Variants in RORB observed in about 807,000 individuals in gnomAD.
The protein encoded by RORB is RAR related orphan receptor B.
RORB carries 6 observed loss-of-function variants against 59.1 expected under a neutral mutation model. That is an observed-to-expected ratio of 0.10 (90% CI 0.06 to 0.20). The LOEUF is 0.20. Among genes scored for constraint, RORB ranks in the 10% least tolerant of loss-of-function variants. The pLI is 1.00. For missense variants in RORB, 320 were observed against 560.5 expected (o/e 0.57, Z 4.33); for synonymous variants, 215 against 204.5 (o/e 1.05, Z -0.44).
In RORB at chr9:74,691,582, C is replaced by T. The variant is rs139691071; in HGVS notation, c.*5964C>T. ...CTTTTAATATATGCTTGTGGAAGGTCTAATACAATGTATGCTGTCTCTGTA... is the reference window on the plus strand; with the variant it reads ...CTTTTAATATATGCTTGTGGAAGGTTTAATACAATGTATGCTGTCTCTGTA... On this transcript the variant is annotated 3_prime_UTR_variant, in exon 10 of 10. Coordinates refer to ENST00000376896, the MANE Select transcript of RORB (RefSeq NM_006914.4). 173 of 152,250 alleles carry T rather than the reference C, an allele frequency of 1.1e-3. 1 individual carries two copies. Among genetic ancestry groups the T allele is most frequent in the African/African-American group, 3.9e-3 (164 of 41,538 alleles). 9.4% of individuals were successfully genotyped at this position (152,250 alleles called of 1,614,324 possible).
chr9:74,561,199 C>G (rs925038875), intron 1 of RORB, among the ~76,000 whole-genome samples: 1 of 152,100 alleles, frequency 6.6e-6, no homozygotes, highest in Non-Finnish European at 1.5e-5. Flanking sequence ...AGTCTCTCCC[C>G]GAGATGTGAG....
Position 74,585,801 on chromosome 9 carries a change from T to TATTTATTTATTTATTTA in RORB, c.8-44470_8-44469insTATTTAATTTATTTATT, listed in dbSNP as rs1822789541. 1.3e-4 allele frequency among the ~76,000 whole-genome samples: 19 copies of TATTTATTTATTTATTTA among 151,478 alleles called. No homozygotes were observed. The South Asian group carries it at 4.0e-3, about 32-fold the overall frequency. ...CACAGGGGATATTTATTTATTTATT[T>TATTTATTTATTTATTTA]ATTTATTTATTGAGACGGATTCTCG... On this transcript the variant is annotated intron_variant, in intron 1 of 9. Transcript: ENST00000376896.
chr9:74,583,009 A>G (rs933992901), intron 1 of RORB, among the ~76,000 whole-genome samples: 1 of 152,142 alleles, frequency 6.6e-6, no homozygotes, highest in African/African-American at 2.4e-5. Context: ...CATATGTCCT[A>G]CAGGCCCTAC....
chr9:74,582,642 C>T (rs1822740782), intron 1 of RORB, among the ~76,000 whole-genome samples: 1 of 152,112 alleles, frequency 6.6e-6, no homozygotes, highest in Admixed American at 6.5e-5. Context: ...TCTGAGTCTG[C>T]ATTCTTGCTT....
intron 9 of RORB, among the ~76,000 whole-genome samples, chr9:74,674,329 A>G (rs1158336998): frequency 6.6e-6 from 1 of 152,208 alleles, no homozygotes; most frequent in Non-Finnish European, 1.5e-5. Flanking sequence ...TGGGGACTCC[A>G]GTGAATGTTG....
intron 4 of RORB, among the ~76,000 whole-genome samples, chr9:74,653,158 C>G (rs1802970130): frequency 6.6e-6 from 1 of 152,110 alleles, no homozygotes; most frequent in Non-Finnish European, 1.5e-5. Flanking sequence ...TTAAATGTTT[C>G]ACCTTTCAAC....
chr9:74,604,366 C>T (rs909281801), intron 1 of RORB, among the ~76,000 whole-genome samples: 1 of 152,204 alleles, frequency 6.6e-6, no homozygotes, highest in African/African-American at 2.4e-5. Context: ...GCATTCAACA[C>T]ATCACCCATC....
chr9:74,517,044 A>G (rs1378582981), intron 1 of RORB, among the ~76,000 whole-genome samples: 1 of 151,886 alleles, frequency 6.6e-6, no homozygotes, highest in Non-Finnish European at 1.5e-5. Flanking sequence ...CATACTTTAC[A>G]CATAACTTTT....
intron 1 of RORB, among the ~76,000 whole-genome samples, chr9:74,542,196 C>CA (rs970921511): frequency 1.3e-5 from 2 of 152,062 alleles, no homozygotes; most frequent in African/African-American, 4.8e-5. Context: ...AACTGAAACA[C>CA]AGACAGAAAA....
At chr9:74,597,564 A>G (rs946303546) in intron 1 of RORB, among the ~76,000 whole-genome samples, 7 of 152,276 alleles carry the variant, frequency 4.6e-5, no homozygotes, top group Admixed American at 1.3e-4. Context: ...TGTTAAAAGA[A>G]ATTGAGAAAA....
chr9:74,566,624 C>A (rs1229691508), intron 1 of RORB, among the ~76,000 whole-genome samples: 1 of 152,030 alleles, frequency 6.6e-6, no homozygotes, highest in Non-Finnish European at 1.5e-5. Flanking sequence ...TGGTGAAACC[C>A]CGTCTCTACT....
chr9:74,620,210 C>G (rs1345893866), intron 1 of RORB, among the ~76,000 whole-genome samples: 1 of 152,172 alleles, frequency 6.6e-6, no homozygotes, highest in Non-Finnish European at 1.5e-5. Flanking sequence ...ATTACGGCCT[C>G]AATTTCAGAG....
Position 74,649,170 on chromosome 9 carries a change from G to C in RORB, c.637+6355G>C, listed in dbSNP as rs188137327. 9.8e-4 allele frequency among the ~76,000 whole-genome samples: 149 copies of C among 151,994 alleles called. 1 individual carries two copies. The highest frequency in any genetic ancestry group is 3.2e-3 in the African/African-American group (134 of 41,460). On this transcript the variant is annotated intron_variant, in intron 4 of 9. Coordinates refer to ENST00000376896, the MANE Select transcript of RORB (RefSeq NM_006914.4). ...TCACCATGTTGACTAGGCTGGTCTT[G>C]AACTCCTGACCTCAGGTAACACACC...
intron 1 of RORB, among the ~76,000 whole-genome samples, chr9:74,502,393 A>G (rs1825814766): frequency 1.3e-5 from 2 of 152,138 alleles, no homozygotes; most frequent in Admixed American, 6.5e-5. Context: ...CTACATAAAA[A>G]GATAAGTAAA....
rs1308123821 is a variant in RORB, at chr9:74,497,343, CCT to C, written c.-629_-628del. 6.5e-6 allele frequency: 1 copy of C among 152,690 alleles called. No homozygotes were observed. The highest frequency in any genetic ancestry group is 1.5e-5 in the Non-Finnish European group (1 of 68,388). 9.5% of individuals were successfully genotyped at this position (152,690 alleles called of 1,614,324 possible). A position where few individuals can be genotyped will look rare whatever the true frequency, so the allele number is the denominator to read the frequency against. On this transcript the variant is annotated 5_prime_UTR_variant, in exon 1 of 10. Coordinates refer to ENST00000376896, the MANE Select transcript of RORB (RefSeq NM_006914.4). ...CTCAGCGCTCTCTCTCCATCTCTCC[CCT>C]CTCTTTCTCTCTCGCTGCTCCCTTC...
chr9:74,573,527 G>A (rs1376687873), intron 1 of RORB, among the ~76,000 whole-genome samples: 1 of 149,964 alleles, frequency 6.7e-6, no homozygotes, highest in African/African-American at 2.5e-5. Context: ...GGATTTTATT[G>A]ATGTACTCTA....
intron 1 of RORB, among the ~76,000 whole-genome samples, chr9:74,516,819 A>T (rs2118057061): frequency 6.6e-6 from 1 of 152,124 alleles, no homozygotes; most frequent in East Asian, 1.9e-4. Flanking sequence ...ATATTTATTT[A>T]TATTTGTTTA....
At chr9:74,650,027 C>T (rs1823966734) in intron 4 of RORB, among the ~76,000 whole-genome samples, 1 of 152,128 alleles carries the variant, frequency 6.6e-6, no homozygotes, top group South Asian at 2.1e-4. Context: ...CCAACAACAA[C>T]AAAATCTTAT....
At chr9:74,596,926 A>G (rs557627337) in intron 1 of RORB, among the ~76,000 whole-genome samples, 1 of 152,342 alleles carries the variant, frequency 6.6e-6, no homozygotes, top group East Asian at 1.9e-4. Context: ...CATTTCCACT[A>G]TCACAGAAAA....
Sources: gnomAD v4.1 joint callset for allele counts (sites outside exome capture counted in the v4.1 genomes callset) on GRCh38, gnomAD v4.1.1 for gene constraint, MANE v1.5 for transcripts, NCBI Gene and HGNC (gene_info 2026-07-23, HGNC 2026-07-21) for gene names.